Variants in PRKCE observed in about 807,000 individuals in gnomAD.
The protein encoded by PRKCE is protein kinase C epsilon type.
PRKCE carries 16 observed loss-of-function variants against 85.4 expected under a neutral mutation model. The observed-to-expected ratio is 0.19, with a 90% confidence interval of 0.13 to 0.28. PRKCE has a LOEUF of 0.28. Ranked by LOEUF, PRKCE falls within the 10% of genes least tolerant of loss-of-function variation. The probability of loss-of-function intolerance (pLI) is 1.00; values close to 1 mark genes in which losing one functional copy is unlikely to be tolerated. For missense variants in PRKCE, 573 were observed against 975.2 expected (o/e 0.59, Z 5.49); for synonymous variants, 388 against 371.5 (o/e 1.04, Z -0.51).
chr2:46,112,339 G>T (rs1478996504), intron 11 of PRKCE, among the ~76,000 whole-genome samples: 1 of 151,956 alleles, frequency 6.6e-6, no homozygotes, highest in Non-Finnish European at 1.5e-5. Context: ...TGGATTTTTG[G>T]TTTGTTTTGG....
intron 1 of PRKCE, among the ~76,000 whole-genome samples, chr2:45,783,768 C>A (rs530687549): frequency 6.6e-6 from 1 of 152,248 alleles, no homozygotes; most frequent in African/African-American, 2.4e-5. Context: ...CACGAGCCTC[C>A]CATCTTAGAA....
intron 10 of PRKCE, among the ~76,000 whole-genome samples, chr2:46,072,144 A>G (rs1668135783): frequency 6.6e-6 from 1 of 152,226 alleles, no homozygotes; most frequent in African/African-American, 2.4e-5. Context: ...TAATTTAAAA[A>G]ACCCTTTCAC....
chr2:46,025,741 T>A (rs1190778990), intron 10 of PRKCE, among the ~76,000 whole-genome samples: 1 of 152,184 alleles, frequency 6.6e-6, no homozygotes, highest in African/African-American at 2.4e-5. Flanking sequence ...CCCATCTGAT[T>A]CAAGGAAATT....
chr2:45,763,552 TTG>T (rs1247340401), intron 1 of PRKCE, among the ~76,000 whole-genome samples: 5 of 151,872 alleles, frequency 3.3e-5, no homozygotes, highest in South Asian at 2.1e-4. Context: ...TCAGCCCTCA[TTG>T]ATTTTCCCTC....
chr2:45,842,641 G>A (rs112987602), intron 1 of PRKCE, among the ~76,000 whole-genome samples: 65 of 152,278 alleles, frequency 4.3e-4, no homozygotes, highest in African/African-American at 1.4e-3. Flanking sequence ...TCTTTGTTGC[G>A]AGGGGTCATC....
At chr2:45,670,425 A>G (rs1676104938) in intron 1 of PRKCE, among the ~76,000 whole-genome samples, 1 of 152,212 alleles carries the variant, frequency 6.6e-6, no homozygotes, top group South Asian at 2.1e-4. Context: ...ACAATTTTAA[A>G]TATGAAAATT....
chr2:45,964,475 CTT>C lies in PRKCE; in HGVS notation c.413-11952_413-11951del, dbSNP rs1457096760. Among the ~76,000 whole-genome samples, 4 of 152,352 alleles carry C rather than the reference CTT, an allele frequency of 2.6e-5. 1 individual carries two copies. The highest frequency in any genetic ancestry group is 2.0e-4 in the Admixed American group (3 of 15,308). On this transcript the variant is annotated intron_variant, in intron 2 of 14. Coordinates refer to ENST00000306156, the MANE Select transcript of PRKCE (RefSeq NM_005400.3). ...GCAGATTTCCCAGGCTGGGAGCACT[CTT>C]TGAGCTTTCAGCAGGTCTGCCTGGA...
chr2:45,738,851 T>C (rs1408673587), intron 1 of PRKCE, among the ~76,000 whole-genome samples: 3 of 152,254 alleles, frequency 2.0e-5, no homozygotes, highest in South Asian at 2.1e-4. Context: ...CCAACAGCTA[T>C]GTAGTTTTTA....
At position 46,139,143 on chromosome 2, in the gene PRKCE, A is replaced by G. The variant is rs1007276248; in HGVS notation, c.1593-5950A>G. Among the ~76,000 whole-genome samples, 2 of 152,230 alleles carry G rather than the reference A, an allele frequency of 1.3e-5. No homozygotes were observed. Among genetic ancestry groups the G allele is most frequent in the African/African-American group, 4.8e-5 (2 of 41,446 alleles). On this transcript the variant is annotated intron_variant, in intron 11 of 14. Transcript: ENST00000306156. The surrounding 1 kb of genome is among the most constrained non-coding windows in gnomAD (Gnocchi z 5.2). ...ATCAGGGACCACCAAAGATGCTATC[A>G]CCATTATTACTTAGCATTGTTCTTG...
chr2:45,687,696 C>T (rs1422510755), intron 1 of PRKCE, among the ~76,000 whole-genome samples: 1 of 152,170 alleles, frequency 6.6e-6, no homozygotes, highest in South Asian at 2.1e-4. Context: ...AGTTTCCTGA[C>T]ACTTGAAATG....
intron 1 of PRKCE, among the ~76,000 whole-genome samples, chr2:45,728,058 C>A (rs1183301658): frequency 6.6e-6 from 1 of 152,214 alleles, no homozygotes; most frequent in African/African-American, 2.4e-5. Flanking sequence ...AAACACCATG[C>A]CTCGCTTTCT....
intron 1 of PRKCE, among the ~76,000 whole-genome samples, chr2:45,832,592 T>G (rs1363128453): frequency 3.3e-5 from 5 of 152,130 alleles, no homozygotes; most frequent in Non-Finnish European, 2.9e-5. Context: ...ATTACAGGCG[T>G]GAGCCACCGC....
rs1666468419 is a variant in PRKCE at position 46,055,350 on chromosome 2, C to A, written c.1438-30858C>A. 2.0e-5 allele frequency among the ~76,000 whole-genome samples: 3 copies of A among 152,222 alleles called. No individual in the cohort carries two copies. The South Asian group carries it at 6.2e-4, about 32-fold the overall frequency. On this transcript the variant is annotated intron_variant, in intron 10 of 14. Transcript: ENST00000306156. The stretch of plus-strand genomic sequence containing the variant: ...CCACAAGGGTGGAACTCAGCGGGAC[C>A]AGGTGAGTGGAGTCTGCCCCTGCCA...
At chr2:45,832,788 C>T (rs1690544187) in intron 1 of PRKCE, among the ~76,000 whole-genome samples, 1 of 152,178 alleles carries the variant, frequency 6.6e-6, no homozygotes, top group South Asian at 2.1e-4. Context: ...CACTCCTCTT[C>T]TGCAAATTGT....
chr2:45,665,699 CT>C (rs1159455195), intron 1 of PRKCE, among the ~76,000 whole-genome samples: 3 of 152,232 alleles, frequency 2.0e-5, no homozygotes, highest in Non-Finnish European at 4.4e-5. Flanking sequence ...ACAATGAATA[CT>C]TTTTTTTCTA....
At chr2:45,916,398 C>A (rs114396942) in intron 2 of PRKCE, among the ~76,000 whole-genome samples, 3 of 152,020 alleles carry the variant, frequency 2.0e-5, no homozygotes, top group East Asian at 3.9e-4. Flanking sequence ...CACCACCACA[C>A]CTGGCTAATT....
rs1042432609 is a variant in PRKCE at position 45,740,877 on chromosome 2, T to G, written c.348+88429T>G. Reference sequence around the variant, plus strand: ...AACATGCAGATTACAGAGTGGTTTGTGAAGTTTTAGTAGCCTTCTGCTCAG... The same window carrying G: ...AACATGCAGATTACAGAGTGGTTTGGGAAGTTTTAGTAGCCTTCTGCTCAG... On this transcript the variant is annotated intron_variant, in intron 1 of 14. Transcript: ENST00000306156. Among the ~76,000 whole-genome samples, 14 of 152,260 alleles carry G rather than the reference T, an allele frequency of 9.2e-5. 1 individual carries two copies. The highest frequency in any genetic ancestry group is 3.4e-4 in the African/African-American group (14 of 41,468).
At chr2:46,131,171 G>C (rs1674410992) in intron 11 of PRKCE, among the ~76,000 whole-genome samples, 1 of 152,310 alleles carries the variant, frequency 6.6e-6, no homozygotes, top group African/African-American at 2.4e-5. Context: ...TCCAAGTAGA[G>C]TCTTTGGGTT....
intron 1 of PRKCE, chr2:45,840,323 G>A (rs1038724471): frequency 3.3e-5 from 5 of 152,228 alleles, no homozygotes; most frequent in African/African-American, 7.2e-5. Flanking sequence ...GAAGATTCTG[G>A]TTTGGCTCTA....
Sources: gnomAD v4.1 joint callset for allele counts (sites outside exome capture counted in the v4.1 genomes callset) on GRCh38, gnomAD v4.1.1 for gene constraint, Gnocchi (gnomAD v3.1) non-coding constraint, MANE v1.5 for transcripts, NCBI Gene and HGNC (gene_info 2026-07-23, HGNC 2026-07-21) for gene names.